The following MGRN1 variants were observed in gnomAD, a reference collection of about 807,000 sequenced individuals.
MGRN1 encodes E3 ubiquitin-protein ligase MGRN1.
MGRN1 carries 29 observed loss-of-function variants against 69.2 expected under a neutral mutation model. The observed-to-expected ratio is 0.42, with a 90% CI of 0.31 to 0.57. The LOEUF (loss-of-function observed/expected upper bound fraction) is 0.57, where lower values mean the gene tolerates loss of function less well. Among genes scored for constraint, MGRN1 ranks in the 20% least tolerant of loss-of-function variants. The pLI is 0.15. For synonymous variants in MGRN1, 470 were observed against 344.2 expected (o/e 1.37, Z -4.04); for missense variants, 998 against 796.2 (o/e 1.25, Z -3.05).
intron 1 of MGRN1, among the ~76,000 whole-genome samples, chr16:4,642,455 G>A (rs369397444): frequency 1.9e-4 from 27 of 142,248 alleles, no homozygotes; most frequent in Middle Eastern, 3.4e-3. Context: ...GCACCACCAC[G>A]GCCAGCTAAT....
intron 1 of MGRN1, among the ~76,000 whole-genome samples, chr16:4,628,222 T>C (rs1303386869): frequency 6.8e-6 from 1 of 148,136 alleles, no homozygotes; most frequent in South Asian, 2.2e-4. Flanking sequence ...CCATGTCTAC[T>C]AAAAATACAA....
intron 5 of MGRN1, among the ~76,000 whole-genome samples, chr16:4,657,723 C>T (rs2078579128): frequency 8.1e-6 from 1 of 123,996 alleles, no homozygotes; most frequent in Admixed American, 8.1e-5. Context: ...TGTTTAAAAT[C>T]TTGGTGCAGA....
chr16:4,626,713 C>T (rs1436067434), intron 1 of MGRN1, among the ~76,000 whole-genome samples: 1 of 152,230 alleles, frequency 6.6e-6, no homozygotes, highest in African/African-American at 2.4e-5. Flanking sequence ...GAATAACATA[C>T]ATGTCATTTA....
At chr16:4,682,704 C>A in intron 13 of MGRN1, 119 bp from the exon 14 acceptor site, 1 of 1,208,262 alleles carries the variant, frequency 8.3e-7, no homozygotes, top group Non-Finnish European at 1.1e-6. Context: ...AGGGAGTGTC[C>A]TTGCGTGGGT....
chr16:4,654,795 T>TGG (rs1370174663), intron 4 of MGRN1, among the ~76,000 whole-genome samples: 1 of 152,194 alleles, frequency 6.6e-6, no homozygotes, highest in East Asian at 1.9e-4. Flanking sequence ...ACGACTTATG[T>TGG]GGGGAGGTTC....
In MGRN1 at chr16:4,683,940, G is replaced by GCTGGGGGT; in HGVS notation, c.1618+17_1618+24dup. 6.3e-7 allele frequency: 1 copy of GCTGGGGGT among 1,582,978 alleles called. No homozygotes were observed. The highest frequency in any genetic ancestry group is 2.3e-5 in the East Asian group (1 of 42,950). ...CTGACATCTACCTGCCAGGTAAGGG[G>GCTGGGGGT]CTGGGGGTCTGGGGGTGAGGGGCTG... is the stretch of plus-strand genomic sequence containing the variant. On this transcript the variant is annotated intron_variant, in intron 16 of 16. Coordinates refer to ENST00000262370, the MANE Select transcript of MGRN1 (RefSeq NM_015246.4).
intron 8 of MGRN1, 33 bp from the exon 9 acceptor site, chr16:4,671,358 C>T (rs756595905): frequency 8.1e-6 from 13 of 1,606,260 alleles, no homozygotes; most frequent in African/African-American, 2.7e-5. Context: ...TGGCAGTTGG[C>T]GAGGGCCCAG....
At chr16:4,670,747 G>A (rs1008069781) in intron 8 of MGRN1, among the ~76,000 whole-genome samples, 1 of 143,964 alleles carries the variant, frequency 6.9e-6, no homozygotes, top group Non-Finnish European at 1.5e-5. Flanking sequence ...GCAGGTCCAG[G>A]TCCCTGCAGG....
intron 7 of MGRN1, among the ~76,000 whole-genome samples, chr16:4,665,406 C>A (rs1389515348): frequency 6.6e-6 from 1 of 151,580 alleles, no homozygotes; most frequent in East Asian, 1.9e-4. Context: ...ACTCTGTCAC[C>A]CAGGCTGGAG....
At chr16:4,650,717 C>T in intron 2 of MGRN1, 2 of 411,202 alleles carry the variant, frequency 4.9e-6, no homozygotes, top group Non-Finnish European at 8.6e-6. Context: ...AGAAACAGAG[C>T]AGCCATACTG....
intron 16 of MGRN1, chr16:4,687,578 T>TACACACACAAAC (rs371008752): frequency 1.6e-6 from 1 of 628,106 alleles, no homozygotes; most frequent in African/African-American, 2.4e-5. Context: ...AAAAAAAAAA[T>TACACACACAAAC]ACACACACAC....
chr16:4,683,780 C>T (rs1456066756), intron 15 of MGRN1, 63 bp from the exon 16 acceptor site: 60 of 1,475,504 alleles, frequency 4.1e-5, no homozygotes, highest in Non-Finnish European at 5.3e-5. Context: ...GCCTCCTGCC[C>T]AGAGGGACCT....
intron 1 of MGRN1, among the ~76,000 whole-genome samples, chr16:4,626,293 G>A (rs1217830436): frequency 6.6e-6 from 1 of 152,242 alleles, no homozygotes; most frequent in Non-Finnish European, 1.5e-5. Flanking sequence ...AGGCCCAGCA[G>A]CGGGTCAGCC....
chr16:4,688,273 G>A (rs918787765), intron 16 of MGRN1: 13 of 985,840 alleles, frequency 1.3e-5, no homozygotes, highest in Admixed American at 6.1e-5. Context: ...CGGCGGCGTC[G>A]TGCAGGCCAC....
chr16:4,663,221 G>T (rs937156988), intron 5 of MGRN1, among the ~76,000 whole-genome samples: 5 of 152,066 alleles, frequency 3.3e-5, no homozygotes, highest in Non-Finnish European at 1.5e-5. Flanking sequence ...GCGTCACCAT[G>T]CTTGGCTAAT....
chr16:4,685,946 C>T (rs1234485705), intron 16 of MGRN1, among the ~76,000 whole-genome samples: 1 of 152,202 alleles, frequency 6.6e-6, no homozygotes, highest in Non-Finnish European at 1.5e-5. Flanking sequence ...GCCTCAGCCC[C>T]CCACCCAGGG....
In MGRN1 at chr16:4,681,718, G is replaced by A. The variant is rs1308339200; in HGVS notation, c.1300G>A (p.Asp434Asn). 3 of 1,612,952 alleles carry A rather than the reference G, an allele frequency of 1.9e-6. No individual in the cohort carries two copies. Among genetic ancestry groups the A allele is most frequent in the East Asian group, 2.2e-5 (1 of 44,878 alleles). ...SQASCPLAAI[D>N]HILDSSRQKG... is the part of the protein sequence containing the mutation. ...GGCCAGCTGTCCCCTCGCGGCTATC[G>A]ACCACATCCTGGACAGCAGCCGCCA... is the stretch of plus-strand genomic sequence containing the variant. Residue 434 changes from aspartate to asparagine, a missense_variant, in exon 13 of 17, where the codon GAC becomes AAC. Physicochemically the swap from Asp to Asn is conservative, Grantham distance 23 (BLOSUM62 1). Transcript: ENST00000262370.
Position 4,656,112 on chromosome 16 carries a change from C to T in MGRN1, c.444-1134C>T, listed in dbSNP as rs151325995. 8.0e-3 allele frequency among the ~76,000 whole-genome samples: 1,215 copies of T among 152,260 alleles called. 5 individuals are homozygous for T. Among genetic ancestry groups the T allele is most frequent in the South Asian group, 0.013 (64 of 4,816 alleles). On this transcript the variant is annotated intron_variant, in intron 4 of 16. Coordinates refer to ENST00000262370, the MANE Select transcript of MGRN1 (RefSeq NM_015246.4). ...GAGCCCTGGCCACAGGCAAGCAGGG[C>T]GGTGGGGTGGAGGGGAGGGGCTGTG...
rs769015661 is a variant in MGRN1, at chr16:4,628,112, T to C, written c.88+3064T>C. ...AAAAAAAAAAAGAATTGTGGGTGGG[T>C]GCGGTGGCTCACGCCTGTAATCCCA... On this transcript the variant is annotated intron_variant, in intron 1 of 16. Transcript: ENST00000262370. Among the ~76,000 whole-genome samples, 471 of 117,634 alleles carry C rather than the reference T, an allele frequency of 4.0e-3. 4 individuals are homozygous for C. Among genetic ancestry groups the C allele is most frequent in the Non-Finnish European group, 5.8e-3 (332 of 57,644 alleles). 77.2% of individuals were successfully genotyped at this position (117,634 alleles called of 152,430 possible).
Sources: gnomAD v4.1 joint callset for allele counts (sites outside exome capture counted in the v4.1 genomes callset) on GRCh38, gnomAD v4.1.1 for gene constraint, MANE v1.5 for transcripts, NCBI Gene and HGNC (gene_info 2026-07-23, HGNC 2026-07-21) for gene names.